The following MPZL3 variants were observed in gnomAD, a reference collection of about 807,000 sequenced individuals.
MPZL3 encodes the protein myelin protein zero-like protein 3.
In MPZL3, 23 loss-of-function variants were observed where a neutral mutation model predicts 24.8. That is an observed-to-expected ratio of 0.93 (90% CI 0.67 to 1.31). The LOEUF (loss-of-function observed/expected upper bound fraction) is 1.31, where lower values mean the gene tolerates loss of function less well. MPZL3 is among the 40% of genes most tolerant of loss of function. The probability of loss-of-function intolerance (pLI) is 0.00; values close to 1 mark genes in which losing one functional copy is unlikely to be tolerated. For missense variants in MPZL3, 277 were observed against 294.9 expected (o/e 0.94, Z 0.44); for synonymous variants, 99 against 106.5 (o/e 0.93, Z 0.44).
At position 118,228,154 on chromosome 11, in the gene MPZL3, G is replaced by T. The variant is rs757193228; in HGVS notation, c.*1740C>A. On this transcript the variant is annotated 3_prime_UTR_variant, in exon 6 of 6. Coordinates refer to ENST00000278949, the MANE Select transcript of MPZL3 (RefSeq NM_198275.3). ...AACTAACCAGATTCGCTCATCTGTG[G>T]ACTAGGTTAACAGAAGAGGCTAGGC... 6.6e-6 allele frequency: 1 copy of T among 151,970 alleles called. No individual in the cohort carries two copies. Among genetic ancestry groups the T allele is most frequent in the Non-Finnish European group, 1.5e-5 (1 of 68,028 alleles). 9.4% of individuals were successfully genotyped at this position (151,970 alleles called of 1,614,324 possible).
At chr11:118,238,398 T>TAAAA in intron 2 of MPZL3, among the ~76,000 whole-genome samples, 1 of 152,214 alleles carries the variant, frequency 6.6e-6, no homozygotes, top group Non-Finnish European at 1.5e-5. Flanking sequence ...GATCAGACAC[T>TAAAA]TCATCACCAA....
At chr11:118,236,543 A>C (rs910563980) in intron 3 of MPZL3, among the ~76,000 whole-genome samples, 1 of 152,098 alleles carries the variant, frequency 6.6e-6, no homozygotes, top group Admixed American at 6.5e-5. Context: ...ATAACATAGA[A>C]AAAAAAATCA....
intron 1 of MPZL3, among the ~76,000 whole-genome samples, chr11:118,244,588 A>G (rs1949535953): frequency 6.6e-6 from 1 of 152,224 alleles, no homozygotes; most frequent in Non-Finnish European, 1.5e-5. Flanking sequence ...GGAGCTGAAA[A>G]GGAGTATGAC....
chr11:118,251,113 GTGTGTGA>G lies in MPZL3; in HGVS notation c.73+1102_73+1108del, dbSNP rs1949615585. 2.2e-5 allele frequency among the ~76,000 whole-genome samples: 3 copies of G among 133,840 alleles called. No individual in the cohort carries two copies. The Admixed American group carries it at 2.3e-4, about 10-fold the overall frequency. 87.8% of individuals were successfully genotyped at this position (133,840 alleles called of 152,430 possible). On this transcript the variant is annotated intron_variant, in intron 1 of 5. Transcript: ENST00000278949. ...TGTGTGTGTGTGTGTGTGTGTGTGT[GTGTGTGA>G]AAGAGAGAGAGAGAGGACTGGGTTT...
chr11:118,242,828 C>T (rs1369963905), intron 1 of MPZL3, among the ~76,000 whole-genome samples: 3 of 152,164 alleles, frequency 2.0e-5, no homozygotes, highest in Admixed American at 6.5e-5. Flanking sequence ...CCATCGATTG[C>T]ACCTAGTTAC....
chr11:118,235,772 C>T (rs528319734), intron 3 of MPZL3, among the ~76,000 whole-genome samples, 183 bp from the exon 4 acceptor site: 4 of 152,310 alleles, frequency 2.6e-5, no homozygotes, highest in African/African-American at 9.6e-5. Flanking sequence ...GATAATCCCA[C>T]TACCTAGGAA....
At chr11:118,231,759 TA>T (rs1949354802) in intron 5 of MPZL3, among the ~76,000 whole-genome samples, 1 of 152,160 alleles carries the variant, frequency 6.6e-6, no homozygotes, top group Non-Finnish European at 1.5e-5. Context: ...GCAGAAGCAG[TA>T]AATCCTTCTG....
rs967182083 is a variant in MPZL3, at chr11:118,229,780, T to C, written c.*114A>G. 3 of 924,150 alleles carry C rather than the reference T, an allele frequency of 3.2e-6. No homozygotes were observed. Among genetic ancestry groups the C allele is most frequent in the East Asian group, 2.5e-5 (1 of 39,970 alleles). 57.2% of individuals were successfully genotyped at this position (924,150 alleles called of 1,614,324 possible). ...AAGTCTTTACTGATGATCTCCAGGA[T>C]TGTCCATCGCTATGGTCCAGGCCAG... On this transcript the variant is annotated 3_prime_UTR_variant, in exon 6 of 6. Coordinates refer to ENST00000278949, the MANE Select transcript of MPZL3 (RefSeq NM_198275.3).
chr11:118,251,515 T>C (rs191246350), intron 1 of MPZL3, among the ~76,000 whole-genome samples: 11 of 152,202 alleles, frequency 7.2e-5, no homozygotes, highest in Non-Finnish European at 1.2e-4. Flanking sequence ...GTAATTAGGC[T>C]GGATTGAAAT....
intron 2 of MPZL3, among the ~76,000 whole-genome samples, chr11:118,238,074 T>C (rs113797434): frequency 0.045 from 6,857 of 151,900 alleles, 538 homozygotes; most frequent in African/African-American, 0.15. Flanking sequence ...GAGGCGGAGA[T>C]TGCAGTGAGC....
In MPZL3 at chr11:118,229,878, G is replaced by T; in HGVS notation, c.*16C>A. 3.1e-6 allele frequency: 5 copies of T among 1,613,150 alleles called. No individual in the cohort carries two copies. The highest frequency in any genetic ancestry group is 4.2e-6 in the Non-Finnish European group (5 of 1,179,450). Reference sequence around the variant, plus strand: ...CCTGTCTTTAGGTGACTCTTCTTGTGTCATACAGACTTTCATCAATATGTC... The same window carrying T: ...CCTGTCTTTAGGTGACTCTTCTTGTTTCATACAGACTTTCATCAATATGTC... On this transcript the variant is annotated 3_prime_UTR_variant, in exon 6 of 6. Transcript: ENST00000278949.
At chr11:118,231,970 T>G (rs763955494) in intron 5 of MPZL3, among the ~76,000 whole-genome samples, 12 of 152,224 alleles carry the variant, frequency 7.9e-5, no homozygotes, top group Non-Finnish European at 1.0e-4. Flanking sequence ...CAGACATAAG[T>G]TGATACTGCT....
intron 4 of MPZL3, 70 bp downstream of exon 4, chr11:118,235,354 G>A: frequency 6.7e-7 from 1 of 1,502,412 alleles, no homozygotes; most frequent in African/African-American, 1.4e-5. Context: ...AGGAAGGTGT[G>A]GATGTGGGGG....
Position 118,235,688 on chromosome 11 carries a change from G to A in MPZL3, c.452-99C>T. 5 of 1,169,486 alleles carry A rather than the reference G, an allele frequency of 4.3e-6. 1 individual carries two copies. Among genetic ancestry groups the A allele is most frequent in the Non-Finnish European group, 3.6e-6 (3 of 834,582 alleles). The allele number at this position is 1,169,486 out of a possible 1,614,324, so 72.4% of individuals were successfully genotyped here. A position where few individuals can be genotyped will look rare whatever the true frequency, so the allele number is the denominator to read the frequency against. Reference sequence around the variant, plus strand: ...CTACTTTTGCTCTTATATTTCTTCTGATTACAAAAGTAATAAATCATTGTG... The same window carrying A: ...CTACTTTTGCTCTTATATTTCTTCTAATTACAAAAGTAATAAATCATTGTG... On this transcript the variant is annotated intron_variant, in intron 3 of 5. Coordinates refer to ENST00000278949, the MANE Select transcript of MPZL3 (RefSeq NM_198275.3).
chr11:118,236,512 C>T (rs1220167705), intron 3 of MPZL3, among the ~76,000 whole-genome samples: 12 of 152,072 alleles, frequency 7.9e-5, no homozygotes, highest in Non-Finnish European at 1.8e-4. Context: ...ACTAGCATGA[C>T]CACTTAATCG....
intron 1 of MPZL3, among the ~76,000 whole-genome samples, chr11:118,242,723 G>A (rs891364149): frequency 6.6e-6 from 1 of 152,038 alleles, no homozygotes; most frequent in Non-Finnish European, 1.5e-5. Context: ...CTCAAATATC[G>A]GCCCCCTTTG....
chr11:118,247,755 T>C (rs1949571631), intron 1 of MPZL3, among the ~76,000 whole-genome samples: 1 of 152,182 alleles, frequency 6.6e-6, no homozygotes, highest in Non-Finnish European at 1.5e-5. Flanking sequence ...ATTACAGTCA[T>C]GAGCCACCAT....
intron 1 of MPZL3, among the ~76,000 whole-genome samples, chr11:118,247,324 A>C (rs142610082): frequency 6.6e-6 from 1 of 152,330 alleles, no homozygotes; most frequent in East Asian, 1.9e-4. Context: ...TACCTAAACC[A>C]ATCATTACAT....
intron 1 of MPZL3, among the ~76,000 whole-genome samples, chr11:118,248,070 C>T (rs1198606702): frequency 4.0e-5 from 4 of 99,016 alleles, no homozygotes; most frequent in African/African-American, 1.3e-4. Context: ...ACAGTTTCCT[C>T]TTTTTTTTTT....
Sources: allele counts gnomAD v4.1 joint callset (sites outside exome capture counted in the v4.1 genomes callset), GRCh38; gene constraint gnomAD v4.1.1; transcripts MANE v1.5; gene names NCBI Gene and HGNC (gene_info 2026-07-23, HGNC 2026-07-21).